FREM2: variants seen among roughly 807,000 people sequenced by gnomAD.
FREM2 encodes the protein FRAS1 related extracellular matrix 2, also known as FRAS1-related extracellular matrix protein 2.
In FREM2, 119 loss-of-function variants were observed where a neutral mutation model predicts 219.9. The observed-to-expected ratio is 0.54, with a 90% CI of 0.47 to 0.63. FREM2 has a LOEUF of 0.63. FREM2 is among the 30% of genes least tolerant of loss of function. The probability of loss-of-function intolerance (pLI) is 0.00; values close to 1 mark genes in which losing one functional copy is unlikely to be tolerated. For missense variants in FREM2, 4,030 were observed against 3,993.6 expected, an observed-to-expected ratio of 1.01 and a Z score of -0.25; for synonymous variants, 1,562 against 1,522.8, an observed-to-expected ratio of 1.03 and a Z score of -0.60.
rs73461804 is a variant in FREM2, at chr13:38,747,850, C to T, written c.5264-16454C>T. On this transcript the variant is annotated intron_variant, in intron 2 of 23. Coordinates refer to ENST00000280481, the MANE Select transcript of FREM2 (RefSeq NM_207361.6). The stretch of plus-strand genomic sequence containing the variant: ...ATCAGCCTTAAAGTTTATGTTGCAG[C>T]ATTATCCTTTTTCCAAAACCCAGCT... Among the ~76,000 whole-genome samples, 1,013 of 152,280 alleles carry T rather than the reference C, an allele frequency of 6.7e-3. 9 individuals carry two copies. Among genetic ancestry groups the T allele is most frequent in the African/African-American group, 0.023 (965 of 41,566 alleles).
rs114777174 is a variant in FREM2, at chr13:38,881,191, A to C, written c.*404A>C. ...AGGTGCAATTATCACATTGTTTATTAATTGTATAACAGATTATTACTAGAA... is the reference window on the plus strand; with the variant it reads ...AGGTGCAATTATCACATTGTTTATTCATTGTATAACAGATTATTACTAGAA... On this transcript the variant is annotated 3_prime_UTR_variant, in exon 24 of 24. Transcript: ENST00000280481. 1,404 of 283,914 alleles carry C rather than the reference A, an allele frequency of 4.9e-3. 27 individuals are homozygous for C. The highest frequency in any genetic ancestry group is 0.029 in the African/African-American group (1,322 of 45,526). The allele number at this position is 283,914 out of a possible 1,614,324, so 17.6% of individuals were successfully genotyped here.
intron 2 of FREM2, among the ~76,000 whole-genome samples, chr13:38,710,189 A>AAAC (rs1044634114): frequency 4.6e-5 from 7 of 152,082 alleles, no homozygotes; most frequent in Non-Finnish European, 1.0e-4. Flanking sequence ...CTCTGTCACG[A>AAAC]AACAACAACA....
chr13:38,754,892 G>GATTATT (rs1380525716), intron 2 of FREM2, among the ~76,000 whole-genome samples: 5,540 of 76,142 alleles, frequency 0.073, 125 homozygotes, highest in East Asian at 0.15. Flanking sequence ...TGATGATGAT[G>GATTATT]ATGATGATGA....
rs1307587579 is a variant in FREM2 at position 38,798,283 on chromosome 13, T to A, written c.6019+13475T>A. ...TGATGTGATGTATCATGATTATTAA[T>A]CTGCATATGTTGAACCATCCTTGCA... is the stretch of plus-strand genomic sequence containing the variant. On this transcript the variant is annotated intron_variant, in intron 6 of 23. Transcript: ENST00000280481. Among the ~76,000 whole-genome samples the A allele has an allele frequency of 2.6e-5, 4 of 152,164 alleles. No individual in the cohort carries two copies. The East Asian group carries it at 7.7e-4, about 29-fold the overall frequency.
intron 2 of FREM2, among the ~76,000 whole-genome samples, chr13:38,713,047 A>G (rs933080660): frequency 1.3e-5 from 2 of 152,104 alleles, no homozygotes; most frequent in Non-Finnish European, 2.9e-5. Context: ...TTCATTTACA[A>G]TATCTAATTT....
intron 6 of FREM2, among the ~76,000 whole-genome samples, chr13:38,832,187 C>T (rs1276976312): frequency 6.6e-6 from 1 of 151,802 alleles, no homozygotes; most frequent in African/African-American, 2.4e-5. Context: ...TTGCTTGAAC[C>T]CGGGAGGCAG....
chr13:38,690,872 A>G lies in FREM2; in HGVS notation c.3528A>G (p.Arg1176=), dbSNP rs1393679753. 1.2e-6 allele frequency: 2 copies of G among 1,614,146 alleles called. No homozygotes were observed. Among genetic ancestry groups the G allele is most frequent in the Admixed American group, 1.7e-5 (1 of 60,022 alleles). ...CTGATGGCATTAACTTTTCAGAGAG[A>G]CAGTTCTTCCCCATTGTAATCATTC... The part of the protein sequence containing the change: ...RCSDGINFSE[R]QFFPIVIIPT... The change falls in exon 1 of 24, where the codon AGA becomes AGG. Residue 1176 remains arginine (R), a synonymous_variant. Coordinates refer to ENST00000280481, the MANE Select transcript of FREM2 (RefSeq NM_207361.6).
chr13:38,695,728 T>C (rs182469068), intron 1 of FREM2, among the ~76,000 whole-genome samples: 1 of 152,282 alleles, frequency 6.6e-6, no homozygotes, highest in Non-Finnish European at 1.5e-5. Context: ...CAATTAAGAA[T>C]TATAACAGTA....
chr13:38,838,958 T>C (rs553272971), intron 6 of FREM2, among the ~76,000 whole-genome samples: 1 of 152,282 alleles, frequency 6.6e-6, no homozygotes, highest in East Asian at 1.9e-4. Context: ...GGCCTACTTC[T>C]TCAATTCGTC....
In FREM2 at chr13:38,882,313, T is replaced by A. The variant is rs544626084; in HGVS notation, c.*1526T>A. ...GATGCTGGCTAGAATCCCCTTTGAC[T>A]TCTAGCCATAAGCTGGCCACATTGG... On this transcript the variant is annotated 3_prime_UTR_variant, in exon 24 of 24. Transcript: ENST00000280481. 6.6e-6 allele frequency: 1 copy of A among 152,348 alleles called. No individual in the cohort carries two copies. Among genetic ancestry groups the A allele is most frequent in the African/African-American group, 2.4e-5 (1 of 41,596 alleles). 9.4% of individuals were successfully genotyped at this position (152,348 alleles called of 1,614,324 possible).
At position 38,687,395 on chromosome 13, in the gene FREM2, C is replaced by A; in HGVS notation, c.51C>A (p.Ser17=). 6.2e-7 allele frequency: 1 copy of A among 1,608,936 alleles called. No individual in the cohort carries two copies. The highest frequency in any genetic ancestry group is 1.1e-5 in the South Asian group (1 of 90,236). The change falls in exon 1 of 24, where the codon TCC becomes TCA. Residue 17 remains serine, a synonymous_variant. Coordinates refer to ENST00000280481, the MANE Select transcript of FREM2 (RefSeq NM_207361.6). ...TATCCTCGCGCCGGACAGGCAACTCCACCAGCTTTCAACCAGGACCGCCAC... is the reference window on the plus strand; with the variant it reads ...TATCCTCGCGCCGGACAGGCAACTCAACCAGCTTTCAACCAGGACCGCCAC... ...PGLSSRRTGN[S]TSFQPGPPPP... is the part of the protein sequence containing the mutation.
intron 8 of FREM2, 66 bp from the exon 9 acceptor site, chr13:38,849,972 C>A: frequency 7.8e-7 from 1 of 1,282,134 alleles, no homozygotes; most frequent in South Asian, 1.2e-5. Context: ...TCCACTAAAT[C>A]ACATCTTCTG....
In FREM2 at chr13:38,688,671, C is replaced by T. The variant is rs774024998; in HGVS notation, c.1327C>T (p.Arg443Trp). Residue 443 changes from arginine (R) to tryptophan (W), a missense_variant, in exon 1 of 24, where the codon CGG (arginine) becomes TGG (tryptophan). This residue lies in a region of FREM2 where 3,102 missense variants were observed against 2,950.7 expected (regional missense o/e 1.05). Coordinates refer to ENST00000280481, the MANE Select transcript of FREM2 (RefSeq NM_207361.6). Reference protein sequence around the residue: ...PMNTMAPVVTRNTGLILYEGQ... With the variant: ...PMNTMAPVVTWNTGLILYEGQ... ...GAACACAATGGCTCCGGTGGTCACC[C>T]GGAATACCGGTCTTATTCTCTATGA... The T allele has an allele frequency of 5.0e-6, 8 of 1,613,958 alleles. No individual in the cohort carries two copies. The highest frequency in any genetic ancestry group is 1.6e-4 in the Middle Eastern group (1 of 6,084).
rs150419279 is a variant in FREM2 at position 38,809,536 on chromosome 13, T to A, written c.6019+24728T>A. Among the ~76,000 whole-genome samples, 32 of 152,224 alleles carry A rather than the reference T, an allele frequency of 2.1e-4. No homozygotes were observed. In the East Asian group the frequency reaches 4.1e-3, roughly 19 times the overall value. Reference sequence around the variant, plus strand: ...AGAGATAGGGATTAAGTTTCATTATTCTGCATATGAATATTCAGTTTTCCC... The same window carrying A: ...AGAGATAGGGATTAAGTTTCATTATACTGCATATGAATATTCAGTTTTCCC... On this transcript the variant is annotated intron_variant, in intron 6 of 23. Coordinates refer to ENST00000280481, the MANE Select transcript of FREM2 (RefSeq NM_207361.6).
At chr13:38,867,539 T>C (rs1049676774) in intron 16 of FREM2, among the ~76,000 whole-genome samples, 2 of 152,194 alleles carry the variant, frequency 1.3e-5, no homozygotes, top group African/African-American at 2.4e-5. Flanking sequence ...ACCAATAGAA[T>C]AGATAGATGA....
intron 11 of FREM2, among the ~76,000 whole-genome samples, chr13:38,854,231 T>TC (rs572673813): frequency 2.4e-4 from 37 of 151,828 alleles, no homozygotes; most frequent in African/African-American, 8.9e-4. Flanking sequence ...TTGACCACCG[T>TC]CCAGCAAGTA....
chr13:38,818,144 A>T (rs1875843621), intron 6 of FREM2, among the ~76,000 whole-genome samples: 1 of 152,178 alleles, frequency 6.6e-6, no homozygotes, highest in South Asian at 2.1e-4. Flanking sequence ...ATTAACTAGA[A>T]ATAGGATTCC....
At chr13:38,758,661 G>A (rs908808316) in intron 2 of FREM2, among the ~76,000 whole-genome samples, 5 of 152,184 alleles carry the variant, frequency 3.3e-5, no homozygotes, top group Admixed American at 6.5e-5. Context: ...CCACAAGCTC[G>A]AGGAGATTCT....
intron 5 of FREM2, 26 bp downstream of exon 5, chr13:38,783,221 G>C (rs778567170): frequency 1.2e-6 from 2 of 1,613,468 alleles, no homozygotes; most frequent in Admixed American, 3.3e-5. Flanking sequence ...GAAAAACTAA[G>C]ATAACCCCCA....
Sources: allele counts gnomAD v4.1 joint callset (sites outside exome capture counted in the v4.1 genomes callset), GRCh38; gene constraint gnomAD v4.1.1; regional missense constraint gnomAD v4.1.1; transcripts MANE v1.5; gene names NCBI Gene and HGNC (gene_info 2026-07-23, HGNC 2026-07-21).